UCHL3: variants seen among roughly 807,000 people sequenced by gnomAD.
UCHL3 encodes the protein ubiquitin carboxyl-terminal hydrolase isozyme L3.
In UCHL3, 22 loss-of-function variants were observed where a neutral mutation model predicts 35.8. The ratio of observed to expected loss-of-function variants is 0.61; its 90% confidence interval spans 0.44 to 0.88. The LOEUF (loss-of-function observed/expected upper bound fraction) is 0.88. Ranked by LOEUF, UCHL3 falls within the 40% of genes least tolerant of loss-of-function variation. The probability of loss-of-function intolerance (pLI) is 0.00; values close to 1 mark genes in which losing one functional copy is unlikely to be tolerated. For synonymous variants in UCHL3, 90 were observed against 92.8 expected (o/e 0.97, Z 0.17); for missense variants, 229 against 276.9 (o/e 0.83, Z 1.23).
At chr13:75,564,366 G>T (rs2031617635) in intron 3 of UCHL3, among the ~76,000 whole-genome samples, 1 of 151,968 alleles carries the variant, frequency 6.6e-6, no homozygotes. Flanking sequence ...TAGCTGGGAT[G>T]GTCTCGATCT....
intron 3 of UCHL3, 29 bp downstream of exon 3, chr13:75,560,910 T>C (rs1332349672): frequency 6.7e-7 from 1 of 1,486,692 alleles, no homozygotes; most frequent in East Asian, 2.5e-5. Context: ...AGAAAGTTTC[T>C]GGTAAATACA....
At chr13:75,561,961 A>C (rs11840829) in intron 3 of UCHL3, among the ~76,000 whole-genome samples, 10,642 of 152,076 alleles carry the variant, frequency 0.07, 1,246 homozygotes, top group African/African-American at 0.24. Flanking sequence ...ATAGATTTTG[A>C]GGCTATATCC....
At chr13:75,603,228 A>G (rs1204279714) in intron 7 of UCHL3, among the ~76,000 whole-genome samples, 1 of 152,146 alleles carries the variant, frequency 6.6e-6, no homozygotes, top group African/African-American at 2.4e-5. Flanking sequence ...GGCCTCAAGC[A>G]ATCTTCTTAA....
At chr13:75,591,297 C>A (rs1009742481) in intron 6 of UCHL3, among the ~76,000 whole-genome samples, 1 of 152,154 alleles carries the variant, frequency 6.6e-6, no homozygotes, top group Admixed American at 6.5e-5. Flanking sequence ...AAACTCACAT[C>A]TCTTTCTATT....
At chr13:75,562,034 G>T (rs1252548150) in intron 3 of UCHL3, among the ~76,000 whole-genome samples, 1 of 151,946 alleles carries the variant, frequency 6.6e-6, no homozygotes, top group East Asian at 1.9e-4. Context: ...GAAAAATGAA[G>T]AAGTAAATGG....
At chr13:75,557,263 G>C (rs950420088) in intron 2 of UCHL3, among the ~76,000 whole-genome samples, 1 of 151,494 alleles carries the variant, frequency 6.6e-6, no homozygotes, top group South Asian at 2.1e-4. Flanking sequence ...CATGGCAGTA[G>C]AGGTGAAGTG....
chr13:75,592,452 A>ATACATATATATATATATGTATATATG (rs2032528428), intron 6 of UCHL3, among the ~76,000 whole-genome samples: 4 of 114,828 alleles, frequency 3.5e-5, no homozygotes, highest in Admixed American at 9.0e-5. Flanking sequence ...ATATATATAT[A>ATACATATATATATATATGTATATATG]TATATATATA....
intron 3 of UCHL3, among the ~76,000 whole-genome samples, chr13:75,562,507 C>T (rs1056024970): frequency 6.6e-6 from 1 of 151,832 alleles, no homozygotes; most frequent in Non-Finnish European, 1.5e-5. Flanking sequence ...TATTCCAGGA[C>T]CCCAGTTGTA....
intron 6 of UCHL3, among the ~76,000 whole-genome samples, chr13:75,592,082 ATG>A (rs2032491463): frequency 6.6e-6 from 1 of 151,994 alleles, no homozygotes; most frequent in Non-Finnish European, 1.5e-5. Flanking sequence ...GCCTGGTGGT[ATG>A]TATTAAGTGC....
intron 5 of UCHL3, among the ~76,000 whole-genome samples, chr13:75,568,252 A>C (rs2031746101): frequency 6.6e-6 from 1 of 152,116 alleles, no homozygotes; most frequent in Non-Finnish European, 1.5e-5. Flanking sequence ...TCTACAAATT[A>C]TTTGGTTAGA....
At chr13:75,572,661 A>C (rs2031898016) in intron 6 of UCHL3, among the ~76,000 whole-genome samples, 2 of 152,232 alleles carry the variant, frequency 1.3e-5, no homozygotes, top group African/African-American at 4.8e-5. Flanking sequence ...TAGTGTAAGA[A>C]ATAAAAAAAA....
At chr13:75,567,944 C>A (rs2031737041) in intron 5 of UCHL3, among the ~76,000 whole-genome samples, 1 of 152,052 alleles carries the variant, frequency 6.6e-6, no homozygotes, top group African/African-American at 2.4e-5. Flanking sequence ...CCCTGTGTAT[C>A]TTTTATTGGG....
At chr13:75,565,279 A>G (rs1021643708) in intron 3 of UCHL3, among the ~76,000 whole-genome samples, 7 of 152,226 alleles carry the variant, frequency 4.6e-5, no homozygotes, top group African/African-American at 1.7e-4. Flanking sequence ...TTTCAGCATA[A>G]GACCTTAACA....
chr13:75,597,222 G>A (rs140317040), intron 7 of UCHL3, among the ~76,000 whole-genome samples: 35 of 152,330 alleles, frequency 2.3e-4, no homozygotes, highest in East Asian at 1.2e-3. Flanking sequence ...ACTGGGCACA[G>A]TGGTGTGTTC....
chr13:75,570,946 G>A (rs544155670), intron 6 of UCHL3, among the ~76,000 whole-genome samples: 1 of 152,204 alleles, frequency 6.6e-6, no homozygotes, highest in South Asian at 2.1e-4. Flanking sequence ...TGCTCTAGGC[G>A]CTGCTTTCAA....
intron 6 of UCHL3, among the ~76,000 whole-genome samples, chr13:75,587,792 GGT>G (rs1165557182): frequency 6.6e-6 from 1 of 152,118 alleles, no homozygotes; most frequent in Non-Finnish European, 1.5e-5. Context: ...ATTTCTCACA[GGT>G]GTGTTTGGAG....
chr13:75,556,138 T>G (rs2031285643), intron 2 of UCHL3, among the ~76,000 whole-genome samples: 1 of 152,214 alleles, frequency 6.6e-6, no homozygotes, highest in Non-Finnish European at 1.5e-5. Context: ...TCTTAAATGA[T>G]CCTTCTTTTA....
intron 5 of UCHL3, among the ~76,000 whole-genome samples, chr13:75,568,059 A>G (rs2138494950): frequency 6.6e-6 from 1 of 152,318 alleles, no homozygotes; most frequent in South Asian, 2.1e-4. Flanking sequence ...CACATAAACT[A>G]GGCTATATAT....
chr13:75,602,037 A>G (rs1427867522), intron 7 of UCHL3, among the ~76,000 whole-genome samples: 1 of 152,004 alleles, frequency 6.6e-6, no homozygotes, highest in Non-Finnish European at 1.5e-5. Flanking sequence ...TGAACCCGGG[A>G]GGCAGAGCTT....
Sources: gnomAD v4.1 joint callset for allele counts (sites outside exome capture counted in the v4.1 genomes callset) on GRCh38, gnomAD v4.1.1 for gene constraint, MANE v1.5 for transcripts, NCBI Gene and HGNC (gene_info 2026-07-23, HGNC 2026-07-21) for gene names.